OLA1: variants seen among roughly 807,000 people sequenced by gnomAD.
The protein encoded by OLA1 is obg-like ATPase 1.
In OLA1, 14 loss-of-function variants were observed where a neutral mutation model predicts 48.4. The ratio of observed to expected loss-of-function variants is 0.29; its 90% CI spans 0.19 to 0.45. The LOEUF is 0.45. Ranked by LOEUF, OLA1 falls within the 20% of genes least tolerant of loss-of-function variation. The probability of loss-of-function intolerance (pLI) is 1.00; values close to 1 mark genes in which losing one functional copy is unlikely to be tolerated. For synonymous variants in OLA1, 127 were observed against 150.4 expected (o/e 0.84, Z 1.14); for missense variants, 325 against 467.1 (o/e 0.70, Z 2.80).
intron 4 of OLA1, among the ~76,000 whole-genome samples, chr2:174,208,503 T>C (rs578091052): frequency 7.9e-5 from 12 of 152,262 alleles, no homozygotes; most frequent in Admixed American, 7.8e-4. Context: ...CAGAAGAATA[T>C]AGGGCTTGGT....
chr2:174,112,375 G>T (rs989491887), intron 7 of OLA1, among the ~76,000 whole-genome samples: 1 of 152,172 alleles, frequency 6.6e-6, no homozygotes, highest in Non-Finnish European at 1.5e-5. Flanking sequence ...TTACAAGCTT[G>T]TTGGGAATCT....
intron 2 of OLA1, among the ~76,000 whole-genome samples, chr2:174,241,109 C>T (rs1424956609): frequency 6.6e-6 from 1 of 152,144 alleles, no homozygotes; most frequent in Non-Finnish European, 1.5e-5. Context: ...GTCTAGAGAC[C>T]ACTTAGAAAG....
At chr2:174,234,367 T>C (rs192174040) in intron 2 of OLA1, among the ~76,000 whole-genome samples, 17 of 152,300 alleles carry the variant, frequency 1.1e-4, no homozygotes, top group African/African-American at 3.6e-4. Context: ...TAGTTAAGTT[T>C]TGGGGGAATC....
At chr2:174,131,339 C>T (rs1686175474) in intron 5 of OLA1, among the ~76,000 whole-genome samples, 1 of 152,092 alleles carries the variant, frequency 6.6e-6, no homozygotes, top group Admixed American at 6.5e-5. Context: ...AGGAATAGTG[C>T]ACAATTTATA....
At chr2:174,239,967 G>A (rs932181433) in intron 2 of OLA1, among the ~76,000 whole-genome samples, 2 of 151,894 alleles carry the variant, frequency 1.3e-5, no homozygotes, top group African/African-American at 2.4e-5. Context: ...AAGGACATTA[G>A]AGGGACAATT....
chr2:174,104,029 A>G (rs2105354469), intron 7 of OLA1, among the ~76,000 whole-genome samples: 1 of 152,230 alleles, frequency 6.6e-6, no homozygotes, highest in South Asian at 2.1e-4. Context: ...AGAAATTTAT[A>G]CATTGTGAAG....
At chr2:174,134,996 C>T (rs972422991) in intron 5 of OLA1, among the ~76,000 whole-genome samples, 3 of 151,880 alleles carry the variant, frequency 2.0e-5, no homozygotes, top group African/African-American at 7.3e-5. Context: ...CCCTACTCTA[C>T]TAAAAATACA....
intron 1 of OLA1, chr2:174,247,350 C>T: frequency 4.6e-6 from 1 of 217,544 alleles, no homozygotes; most frequent in Non-Finnish European, 9.0e-6. Context: ...TCTGCCTGAG[C>T]GACAAAGCTA....
chr2:174,079,779 C>T (rs539351056), intron 9 of OLA1, among the ~76,000 whole-genome samples: 4 of 151,924 alleles, frequency 2.6e-5, no homozygotes, highest in African/African-American at 9.6e-5. Context: ...CTAAAGGCTG[C>T]TTAATAAAGC....
At chr2:174,189,881 A>G (rs78216523) in intron 4 of OLA1, among the ~76,000 whole-genome samples, 4 of 147,002 alleles carry the variant, frequency 2.7e-5, no homozygotes, top group Non-Finnish European at 4.5e-5. Flanking sequence ...AAAAAAACAA[A>G]ACACACACAC....
At chr2:174,148,731 G>A (rs903085207) in intron 4 of OLA1, among the ~76,000 whole-genome samples, 7 of 151,928 alleles carry the variant, frequency 4.6e-5, no homozygotes. Context: ...CCCCCTTTTT[G>A]TTGTTACCTA....
intron 7 of OLA1, among the ~76,000 whole-genome samples, chr2:174,095,974 G>A (rs1685245271): frequency 6.6e-6 from 1 of 152,034 alleles, no homozygotes; most frequent in South Asian, 2.1e-4. Context: ...ATAAAAAGAT[G>A]TTCATCATTA....
intron 4 of OLA1, among the ~76,000 whole-genome samples, chr2:174,163,338 G>A (rs1687057625): frequency 6.6e-6 from 1 of 152,114 alleles, no homozygotes; most frequent in African/African-American, 2.4e-5. Context: ...AGAAAAGACT[G>A]ATAGAACTTG....
intron 7 of OLA1, among the ~76,000 whole-genome samples, chr2:174,118,702 T>G (rs1343944077): frequency 6.6e-6 from 1 of 152,176 alleles, no homozygotes; most frequent in Non-Finnish European, 1.5e-5. Context: ...TTTGATAAAT[T>G]ACATCACTCA....
At chr2:174,167,516 C>T (rs1687194458) in intron 4 of OLA1, among the ~76,000 whole-genome samples, 1 of 152,192 alleles carries the variant, frequency 6.6e-6, no homozygotes, top group East Asian at 1.9e-4. Context: ...GCGGAGGTTG[C>T]AGTGAGCAGA....
intron 4 of OLA1, among the ~76,000 whole-genome samples, chr2:174,217,661 A>T (rs1205370737): frequency 6.6e-6 from 1 of 152,070 alleles, no homozygotes; most frequent in African/African-American, 2.4e-5. Flanking sequence ...CACCCCCAAG[A>T]GTTTCCTCAC....
In OLA1 at chr2:174,163,743, TATATATATATATATATATATATATATA is replaced by T. The variant is rs1553485158; in HGVS notation, c.374-21770_374-21744del. Among the ~76,000 whole-genome samples the T allele has an allele frequency of 5.8e-4, 25 of 43,352 alleles. 2 individuals carry two copies. Among genetic ancestry groups the T allele is most frequent in the Admixed American group, 2.8e-3 (12 of 4,340 alleles). The allele number at this position is 43,352 out of a possible 152,430, so 28.4% of individuals were successfully genotyped here. On this transcript the variant is annotated intron_variant, in intron 4 of 10. Coordinates refer to ENST00000284719, the MANE Select transcript of OLA1 (RefSeq NM_013341.5). ...ATATATATATATATATATATATATA[TATATATATATATATATATATATATATA>T]TATATAAATAAATGTTTGGGTGCCT... is the stretch of plus-strand genomic sequence containing the variant.
chr2:174,210,162 T>C (rs1287756382), intron 4 of OLA1, among the ~76,000 whole-genome samples: 2 of 152,140 alleles, frequency 1.3e-5, no homozygotes, highest in African/African-American at 4.8e-5. Context: ...TGACAGTAGA[T>C]GTCATAGGAT....
At chr2:174,172,257 G>A in intron 4 of OLA1, 1 of 205,696 alleles carries the variant, frequency 4.9e-6, no homozygotes. Context: ...TAAATATGCA[G>A]CCAACTGTAC....
Sources: gnomAD v4.1 joint callset for allele counts (sites outside exome capture counted in the v4.1 genomes callset) on GRCh38, gnomAD v4.1.1 for gene constraint, MANE v1.5 for transcripts, NCBI Gene and HGNC (gene_info 2026-07-23, HGNC 2026-07-21) for gene names.